Variants in HVCN1 observed in about 807,000 individuals in gnomAD.
HVCN1 encodes voltage-gated hydrogen channel 1.
Under a neutral mutation model 29.2 loss-of-function variants are expected in HVCN1, and 14 were observed. That is an observed-to-expected ratio of 0.48 (90% CI 0.32 to 0.75). The LOEUF (loss-of-function observed/expected upper bound fraction) is 0.75, where lower values mean the gene tolerates loss of function less well. HVCN1 is among the 30% of genes least tolerant of loss of function. HVCN1 has a pLI of 0.04. For synonymous variants in HVCN1, 131 were observed against 133.2 expected (o/e 0.98, Z 0.11); for missense variants, 263 against 341.8 (o/e 0.77, Z 1.82).
rs769864583 is a variant in HVCN1 at position 110,661,389 on chromosome 12, G to T, written c.81C>A (p.His27Gln). The change falls in exon 4 of 8, where the codon CAC becomes CAA. Residue 27 changes from histidine (H) to glutamine (Q), a missense_variant. This residue lies in a region of HVCN1 where 157 missense variants were observed against 181.3 expected (regional missense o/e 0.87). Transcript: ENST00000242607. The surrounding 1 kb of genome is among the most constrained non-coding windows in gnomAD (Gnocchi z 6.2). ...GGTAGTCGTCTCCCACGACCGTGAA[G>T]TGCCTTAAGAACTTGCTCATCCTCT... ...PAERMSKFLR[H>Q]FTVVGDDYHA... 4 of 1,614,098 alleles carry T rather than the reference G, an allele frequency of 2.5e-6. No homozygotes were observed. In the African/African-American group the frequency reaches 5.3e-5, roughly 22 times the overall value.
At chr12:110,679,448 T>C (rs1162532789) in intron 3 of HVCN1, among the ~76,000 whole-genome samples, 1 of 152,194 alleles carries the variant, frequency 6.6e-6, no homozygotes, top group Non-Finnish European at 1.5e-5. Context: ...GCAGCTCCCA[T>C]GTCTTAAATG....
intron 3 of HVCN1, among the ~76,000 whole-genome samples, chr12:110,663,938 A>G (rs1448263069): frequency 6.6e-6 from 1 of 151,976 alleles, no homozygotes; most frequent in East Asian, 1.9e-4. Context: ...CTTTTTTTTA[A>G]AAAGAGGATC....
chr12:110,690,865 C>CT (rs1822465785), upstream of HVCN1, among the ~76,000 whole-genome samples: 1 of 152,128 alleles, frequency 6.6e-6, no homozygotes, highest in Admixed American at 6.5e-5. Flanking sequence ...AGCAATTCTC[C>CT]TGCCTCAGCT....
At chr12:110,667,184 G>A (rs374644572) in intron 3 of HVCN1, among the ~76,000 whole-genome samples, 60 of 152,320 alleles carry the variant, frequency 3.9e-4, no homozygotes, top group African/African-American at 1.4e-3. Flanking sequence ...CCCCATGCTG[G>A]AGTGCAGTGG....
intron 5 of HVCN1, among the ~76,000 whole-genome samples, chr12:110,653,168 A>G (rs1227246029): frequency 6.6e-6 from 1 of 152,210 alleles, no homozygotes; most frequent in Non-Finnish European, 1.5e-5. Flanking sequence ...AGATTAAGAA[A>G]GCCCAGGGAG....
intron 4 of HVCN1, among the ~76,000 whole-genome samples, chr12:110,660,071 C>G (rs144356554): frequency 1.3e-3 from 200 of 150,958 alleles, no homozygotes; most frequent in Middle Eastern, 0.01. Flanking sequence ...TCCAATCAAT[C>G]AATCAATCAA....
chr12:110,661,138 G>A lies in HVCN1; in HGVS notation c.306+26C>T, dbSNP rs934031184. The A allele has an allele frequency of 6.4e-7, 1 of 1,566,532 alleles. No homozygotes were observed. The highest frequency in any genetic ancestry group is 2.3e-5 in the East Asian group (1 of 44,410). ...CCGATGGCTCTCCTGCCAGCTCTGG[G>A]TATCCCGGACTCCTGCCCCACCTAC... On this transcript the variant is annotated intron_variant, in intron 4 of 7. Transcript: ENST00000242607. The surrounding 1 kb of genome is among the most constrained non-coding windows in gnomAD (Gnocchi z 6.2).
chr12:110,652,335 G>A (rs1316886088), intron 5 of HVCN1, among the ~76,000 whole-genome samples: 3 of 152,200 alleles, frequency 2.0e-5, no homozygotes, highest in Non-Finnish European at 4.4e-5. Context: ...AGGTTGCAGT[G>A]AGCCGAGATT....
chr12:110,674,245 T>C (rs189533412), intron 3 of HVCN1, among the ~76,000 whole-genome samples: 1 of 152,352 alleles, frequency 6.6e-6, no homozygotes, highest in East Asian at 1.9e-4. Context: ...TATTTTGTTT[T>C]GGTTAATTTC....
At chr12:110,656,523 A>G (rs966827992) in intron 4 of HVCN1, among the ~76,000 whole-genome samples, 11 of 152,112 alleles carry the variant, frequency 7.2e-5, no homozygotes, top group Non-Finnish European at 1.3e-4. Context: ...GAGGAGCCCC[A>G]AAGGACCTCG....
At chr12:110,669,693 C>G (rs904098282) in intron 3 of HVCN1, among the ~76,000 whole-genome samples, 1 of 152,146 alleles carries the variant, frequency 6.6e-6, no homozygotes, top group African/African-American at 2.4e-5. Context: ...GAGACACTGT[C>G]CCCACCACAT....
intron 5 of HVCN1, among the ~76,000 whole-genome samples, chr12:110,652,317 C>T (rs937575954): frequency 6.6e-5 from 10 of 152,252 alleles, no homozygotes; most frequent in South Asian, 4.1e-4. Flanking sequence ...TGCTTGAACA[C>T]GGAGGAGAGG....
chr12:110,653,449 A>C (rs1384660931), intron 5 of HVCN1, among the ~76,000 whole-genome samples: 1 of 149,398 alleles, frequency 6.7e-6, no homozygotes, highest in Admixed American at 6.7e-5. Flanking sequence ...ACAGGGCAAG[A>C]CTCTGTCTCA....
intron 3 of HVCN1, among the ~76,000 whole-genome samples, chr12:110,675,428 C>T (rs543016622): frequency 4.5e-4 from 68 of 152,038 alleles, no homozygotes; most frequent in African/African-American, 1.4e-3. Flanking sequence ...CACTGCACTC[C>T]GACCTGGGTG....
intron 2 of HVCN1, among the ~76,000 whole-genome samples, chr12:110,685,975 C>T (rs2069166693): frequency 6.6e-6 from 1 of 151,950 alleles, no homozygotes; most frequent in Admixed American, 6.6e-5. Flanking sequence ...AGCCATTGCA[C>T]CTGATCCCTC....
At chr12:110,651,040 G>C (rs2067791307) in intron 6 of HVCN1, among the ~76,000 whole-genome samples, 177 bp downstream of exon 6, 1 of 152,098 alleles carries the variant, frequency 6.6e-6, no homozygotes, top group South Asian at 2.1e-4. Context: ...CTTATAACCA[G>C]CTCCTAAAGG....
chr12:110,692,792 A>T (rs967281622), upstream of HVCN1, among the ~76,000 whole-genome samples: 2 of 152,180 alleles, frequency 1.3e-5, no homozygotes, highest in African/African-American at 2.4e-5. Context: ...CACAGAAAGA[A>T]TCCAGGAGGT....
intron 5 of HVCN1, among the ~76,000 whole-genome samples, chr12:110,652,931 C>T (rs993250827): frequency 2.0e-5 from 3 of 152,158 alleles, no homozygotes; most frequent in Non-Finnish European, 2.9e-5. Flanking sequence ...TGAGTGGGAC[C>T]CCTGGCGTGG....
chr12:110,654,380 C>T (rs1283906015), intron 5 of HVCN1, among the ~76,000 whole-genome samples: 4 of 151,954 alleles, frequency 2.6e-5, no homozygotes, highest in African/African-American at 9.7e-5. Context: ...TCATATTCTG[C>T]CGTTTTCACC....
Sources: gnomAD v4.1 joint callset for allele counts (sites outside exome capture counted in the v4.1 genomes callset) on GRCh38, gnomAD v4.1.1 for gene constraint, gnomAD v4.1.1 regional missense constraint, Gnocchi (gnomAD v3.1) non-coding constraint, MANE v1.5 for transcripts, NCBI Gene and HGNC (gene_info 2026-07-23, HGNC 2026-07-21) for gene names.